GAS7: variants seen among roughly 807,000 people sequenced by gnomAD.
GAS7 encodes growth arrest specific 7.
A neutral mutation model predicts 71.1 loss-of-function variants in GAS7; 28 were observed. The observed-to-expected ratio is 0.39, with a 90% CI of 0.29 to 0.54. GAS7 has a LOEUF of 0.54. GAS7 is among the 20% of genes least tolerant of loss of function. The pLI is 0.62. For missense variants in GAS7, 436 were observed against 627.8 expected, an observed-to-expected ratio of 0.69 and a Z score of 3.27; for synonymous variants, 258 against 245.8, an observed-to-expected ratio of 1.05 and a Z score of -0.46.
intron 2 of GAS7, among the ~76,000 whole-genome samples, chr17:9,985,902 G>T (rs987614671): frequency 6.6e-6 from 1 of 152,172 alleles, no homozygotes; most frequent in Non-Finnish European, 1.5e-5. Flanking sequence ...GCTCCCAGGA[G>T]CACACACCCT....
At chr17:10,064,403 G>A (rs1331867460) in intron 1 of GAS7, among the ~76,000 whole-genome samples, 1 of 152,184 alleles carries the variant, frequency 6.6e-6, no homozygotes, top group African/African-American at 2.4e-5. Flanking sequence ...CCCGGCTTCT[G>A]AAAGAAGCAC....
intron 1 of GAS7, among the ~76,000 whole-genome samples, chr17:10,170,186 A>T (rs2074325676): frequency 6.6e-6 from 1 of 151,634 alleles, no homozygotes; most frequent in Non-Finnish European, 1.5e-5. Context: ...CATTCCCAAG[A>T]GAGCAGCAGA....
chr17:9,975,172 T>C (rs973329904), intron 3 of GAS7, among the ~76,000 whole-genome samples: 2 of 152,118 alleles, frequency 1.3e-5, no homozygotes, highest in Non-Finnish European at 2.9e-5. Flanking sequence ...CTGCCTAACA[T>C]GGTGAAACCC....
At chr17:10,070,876 A>G (rs1414132827) in intron 1 of GAS7, among the ~76,000 whole-genome samples, 2 of 152,110 alleles carry the variant, frequency 1.3e-5, no homozygotes, top group East Asian at 3.9e-4. Context: ...TACAGAGAGT[A>G]GAAGTCAGAA....
chr17:10,075,852 A>AT (rs1011789271), intron 1 of GAS7, among the ~76,000 whole-genome samples: 1 of 151,708 alleles, frequency 6.6e-6, no homozygotes, highest in African/African-American at 2.4e-5. Context: ...TAATCCCAGC[A>AT]TTTTGAGAGG....
intron 1 of GAS7, among the ~76,000 whole-genome samples, chr17:10,175,583 T>C (rs1418859507): frequency 7.3e-6 from 1 of 137,036 alleles, no homozygotes; most frequent in African/African-American, 2.9e-5. Context: ...CCCACCCTAA[T>C]GACCGCATTT....
At chr17:9,971,678 G>A (rs372889514) in intron 3 of GAS7, among the ~76,000 whole-genome samples, 381 of 152,164 alleles carry the variant, frequency 2.5e-3, no homozygotes, top group African/African-American at 8.6e-3. Flanking sequence ...AGGACGATGC[G>A]CCATCCCGTG....
rs182394357 is a variant in GAS7, at chr17:10,033,339, G to A, written c.184-13442C>T. Among the ~76,000 whole-genome samples, 19 of 152,256 alleles carry A rather than the reference G, an allele frequency of 1.2e-4. 1 individual carries two copies. Among genetic ancestry groups the A allele is most frequent in the Admixed American group, 1.1e-3 (17 of 15,292 alleles). On this transcript the variant is annotated intron_variant, in intron 1 of 13. Transcript: ENST00000432992. ...AAACTTGGTATGGCCCAGAGAGAGA[G>A]AGAGACAGAGAGACTATCCTCCCTA... is the stretch of plus-strand genomic sequence containing the variant.
At chr17:10,088,548 C>T (rs968409040) in intron 1 of GAS7, among the ~76,000 whole-genome samples, 2 of 152,162 alleles carry the variant, frequency 1.3e-5, no homozygotes, top group South Asian at 2.1e-4. Flanking sequence ...GGCAGTTCCA[C>T]GCAGCACTAA....
rs549051458 is a variant in GAS7, at chr17:10,006,485, A to C, written c.304+13292T>G. Among the ~76,000 whole-genome samples the C allele has an allele frequency of 3.6e-4, 55 of 151,492 alleles. No individual in the cohort carries two copies. In the East Asian group the frequency reaches 0.011, roughly 30 times the overall value. On this transcript the variant is annotated intron_variant, in intron 2 of 13. Transcript: ENST00000432992. ...GCTGGGACTACAGGCGCCTGCCACCATGCCCGGCTAATTTTTTGTATTTTT... is the reference window on the plus strand; with the variant it reads ...GCTGGGACTACAGGCGCCTGCCACCCTGCCCGGCTAATTTTTTGTATTTTT...
At chr17:10,074,634 G>A (rs2073372683) in intron 1 of GAS7, among the ~76,000 whole-genome samples, 3 of 152,144 alleles carry the variant, frequency 2.0e-5, no homozygotes, top group Admixed American at 6.5e-5. Flanking sequence ...ACCTTCAAAC[G>A]AATTGATTCG....
chr17:10,168,927 G>A (rs1008970590), intron 1 of GAS7, among the ~76,000 whole-genome samples: 2 of 146,854 alleles, frequency 1.4e-5, no homozygotes, highest in African/African-American at 2.5e-5. Flanking sequence ...CCGAGATCAC[G>A]CCACTGCACT....
intron 1 of GAS7, among the ~76,000 whole-genome samples, chr17:10,164,687 GAA>G (rs936600705): frequency 7.1e-6 from 1 of 140,968 alleles, no homozygotes; most frequent in Non-Finnish European, 1.6e-5. Context: ...CTTTAAAAAT[GAA>G]AAAAAAAAGA....
chr17:10,197,453 T>C (rs2074549004), intron 1 of GAS7, among the ~76,000 whole-genome samples: 1 of 152,156 alleles, frequency 6.6e-6, no homozygotes, highest in Non-Finnish European at 1.5e-5. Flanking sequence ...ACTCAGGCTG[T>C]GACTGCGAGC....
intron 1 of GAS7, among the ~76,000 whole-genome samples, chr17:10,066,945 T>C (rs577917901): frequency 6.6e-6 from 1 of 152,136 alleles, no homozygotes. Flanking sequence ...AAGTCAGCAA[T>C]TCCCGTGAAG....
chr17:10,126,081 G>A (rs1319333057), intron 1 of GAS7, among the ~76,000 whole-genome samples: 4 of 152,150 alleles, frequency 2.6e-5, no homozygotes, highest in South Asian at 2.1e-4. Flanking sequence ...CCCACAGCAG[G>A]GGTCGGGGGT....
chr17:10,138,327 G>C (rs2074055568), intron 1 of GAS7, among the ~76,000 whole-genome samples: 1 of 152,124 alleles, frequency 6.6e-6, no homozygotes, highest in Non-Finnish European at 1.5e-5. Context: ...CTTAACTCAT[G>C]ATTATCCTTC....
In GAS7 at chr17:10,157,232, TGGG is replaced by T. The variant is rs549107107; in HGVS notation, c.183+40973_183+40975del. On this transcript the variant is annotated intron_variant, in intron 1 of 13. Coordinates refer to ENST00000432992, the MANE Select transcript of GAS7 (RefSeq NM_201433.2). ...AGAGTCCTCAGCCTAGGAAAGGGGC[TGGG>T]GACAGGGCCTGACACCCTGAAGTGC... Among the ~76,000 whole-genome samples the T allele has an allele frequency of 2.6e-5, 4 of 152,240 alleles. No individual in the cohort carries two copies. The East Asian group carries it at 7.7e-4, about 29-fold the overall frequency.
chr17:10,040,546 A>T (rs79969736), intron 1 of GAS7, among the ~76,000 whole-genome samples: 5,837 of 152,152 alleles, frequency 0.038, 365 homozygotes, highest in African/African-American at 0.13. Flanking sequence ...GAGAAACTAG[A>T]GGGAGGAAAC....
Sources: allele counts gnomAD v4.1 joint callset (sites outside exome capture counted in the v4.1 genomes callset), GRCh38; gene constraint gnomAD v4.1.1; transcripts MANE v1.5; gene names NCBI Gene and HGNC (gene_info 2026-07-23, HGNC 2026-07-21).